The following BNC2 variants were observed in gnomAD, a reference collection of about 807,000 sequenced individuals.
The protein encoded by BNC2 is basonuclin zinc finger protein 2.
A neutral mutation model predicts 76.3 loss-of-function variants in BNC2; 20 were observed. The observed-to-expected ratio is 0.26, with a 90% CI of 0.18 to 0.38. The LOEUF is 0.38. BNC2 is among the 10% of genes least tolerant of loss of function. BNC2 has a pLI of 1.00. For synonymous variants in BNC2, 582 were observed against 514.8 expected, an observed-to-expected ratio of 1.13 and a Z score of -1.77; for missense variants, 1,382 against 1,399.8, an observed-to-expected ratio of 0.99 and a Z score of 0.20.
At position 16,738,419 on chromosome 9, in the gene BNC2, G is replaced by C; in HGVS notation, c.70C>G (p.Gln24Glu). The change falls in exon 2 of 7, where the codon CAA (glutamine) becomes GAA (glutamate). Residue 24 changes from glutamine (Q) to glutamate (E), a missense_variant. Gln to Glu is a conservative substitution (Grantham distance 29, BLOSUM62 2). Transcript: ENST00000380672. ...NYKSEDRLSE[Q>E]DWPAYFKVPC... ...ACCTTGAAATATGCTGGCCAGTCTT[G>C]CTCACTAAGCCTGTCCTCTGATTTG... 3 of 1,613,984 alleles carry C rather than the reference G, an allele frequency of 1.9e-6. No individual in the cohort carries two copies. Among genetic ancestry groups the C allele is most frequent in the Non-Finnish European group, 1.7e-6 (2 of 1,179,900 alleles).
At chr9:16,766,527 A>G (rs1825700391) in intron 1 of BNC2, among the ~76,000 whole-genome samples, 2 of 152,100 alleles carry the variant, frequency 1.3e-5, no homozygotes. Context: ...ATCTAACTAA[A>G]ATCCCTCCAG....
intron 4 of BNC2, chr9:16,580,068 A>G (rs1819588819): frequency 2.5e-6 from 1 of 398,456 alleles, no homozygotes; most frequent in Non-Finnish European, 4.4e-6. Flanking sequence ...CACCCAGGAC[A>G]CTGCACAGTA....
At chr9:16,425,407 T>C (rs1001669768) in intron 6 of BNC2, among the ~76,000 whole-genome samples, 2 of 152,162 alleles carry the variant, frequency 1.3e-5, no homozygotes, top group African/African-American at 4.8e-5. Context: ...TCTCAGAGCC[T>C]GCCATCCCCG....
intron 5 of BNC2, among the ~76,000 whole-genome samples, chr9:16,444,640 C>T (rs1258620983): frequency 6.6e-6 from 1 of 152,130 alleles, no homozygotes; most frequent in Non-Finnish European, 1.5e-5. Flanking sequence ...ACTCCTAGAT[C>T]CCACATGTGG....
chr9:16,581,970 C>G (rs1448674362), intron 4 of BNC2, among the ~76,000 whole-genome samples: 1 of 152,104 alleles, frequency 6.6e-6, no homozygotes, highest in African/African-American at 2.4e-5. Flanking sequence ...ATCACACACG[C>G]CCTCACAAGC....
chr9:16,479,778 CTTTA>C (rs1458844849), intron 5 of BNC2, among the ~76,000 whole-genome samples: 2 of 148,002 alleles, frequency 1.4e-5, no homozygotes, highest in Non-Finnish European at 3.0e-5. Flanking sequence ...TGACTTCTTT[CTTTA>C]TGCACGTTGG....
rs111967800 is a variant in BNC2 at position 16,468,540 on chromosome 9, C to A, written c.670-31016G>T. Among the ~76,000 whole-genome samples the A allele has an allele frequency of 7.4e-4, 113 of 151,982 alleles. 1 individual carries two copies. The highest frequency in any genetic ancestry group is 2.5e-3 in the African/African-American group (103 of 41,430). On this transcript the variant is annotated intron_variant, in intron 5 of 6. Coordinates refer to ENST00000380672, the MANE Select transcript of BNC2 (RefSeq NM_017637.6). The stretch of plus-strand genomic sequence containing the variant: ...CCTCCCGAATAGCTGGGACTACAGG[C>A]GTGCACCACCACGCCTGGCTACTTT...
intron 1 of BNC2, among the ~76,000 whole-genome samples, chr9:16,764,034 G>C (rs908815456): frequency 1.3e-5 from 2 of 152,120 alleles, no homozygotes; most frequent in South Asian, 2.1e-4. Context: ...AGTATGTGAC[G>C]AGAATTAAAA....
intron 5 of BNC2, among the ~76,000 whole-genome samples, chr9:16,449,844 G>A (rs1469474656): frequency 7.2e-6 from 1 of 138,906 alleles, no homozygotes; most frequent in Non-Finnish European, 1.5e-5. Context: ...GGTGGGGCGG[G>A]GGGGGAGGGT....
At chr9:16,670,571 A>T (rs572560189) in intron 3 of BNC2, among the ~76,000 whole-genome samples, 1 of 152,338 alleles carries the variant, frequency 6.6e-6, no homozygotes, top group South Asian at 2.1e-4. Context: ...TTTATGCTTT[A>T]GTGTGGATAA....
chr9:16,838,730 C>A (rs1370832419), intron 1 of BNC2, among the ~76,000 whole-genome samples: 1 of 152,158 alleles, frequency 6.6e-6, no homozygotes, highest in Non-Finnish European at 1.5e-5. Context: ...ATGATCTTCA[C>A]CTGGTAGCTC....
intron 5 of BNC2, among the ~76,000 whole-genome samples, chr9:16,485,052 G>A (rs1415635696): frequency 1.3e-5 from 2 of 151,768 alleles, no homozygotes; most frequent in Admixed American, 6.6e-5. Flanking sequence ...TAACAAAGAA[G>A]AACACATCAT....
chr9:16,761,593 A>G (rs1397812485), intron 1 of BNC2, among the ~76,000 whole-genome samples: 1 of 152,198 alleles, frequency 6.6e-6, no homozygotes, highest in African/African-American at 2.4e-5. Context: ...AAAGCAAACC[A>G]TTCTATTTAA....
chr9:16,529,768 T>G (rs950801302), intron 5 of BNC2, among the ~76,000 whole-genome samples: 14 of 152,202 alleles, frequency 9.2e-5, no homozygotes, highest in African/African-American at 3.1e-4. Flanking sequence ...CAACCTTCTA[T>G]GAATACCTGA....
At chr9:16,808,554 C>G (rs1391928632) in intron 1 of BNC2, among the ~76,000 whole-genome samples, 1 of 132,014 alleles carries the variant, frequency 7.6e-6, no homozygotes, top group Non-Finnish European at 1.6e-5. Context: ...AGTGGTGTGA[C>G]CACGGCTCAC....
chr9:16,756,708 G>A (rs1056100762), intron 1 of BNC2, among the ~76,000 whole-genome samples: 23 of 152,128 alleles, frequency 1.5e-4, no homozygotes, highest in African/African-American at 5.3e-4. Context: ...ACTAGACCTA[G>A]GCTGGGCACA....
chr9:16,790,513 C>T (rs1817475478), intron 1 of BNC2, among the ~76,000 whole-genome samples: 1 of 152,186 alleles, frequency 6.6e-6, no homozygotes, highest in Admixed American at 6.5e-5. Flanking sequence ...GCCTTATTCT[C>T]GTTGCTAATT....
intron 1 of BNC2, among the ~76,000 whole-genome samples, chr9:16,739,422 A>T (rs1446924196): frequency 6.6e-6 from 1 of 152,240 alleles, no homozygotes; most frequent in African/African-American, 2.4e-5. Context: ...TAATCCCAAA[A>T]CTGTGGAAAG....
At chr9:16,492,671 T>C (rs1179301864) in intron 5 of BNC2, among the ~76,000 whole-genome samples, 1 of 151,968 alleles carries the variant, frequency 6.6e-6, no homozygotes, top group Non-Finnish European at 1.5e-5. Context: ...AGGTTATGCA[T>C]CGAATAAATA....
Sources: gnomAD v4.1 joint callset for allele counts (sites outside exome capture counted in the v4.1 genomes callset) on GRCh38, gnomAD v4.1.1 for gene constraint, MANE v1.5 for transcripts, NCBI Gene and HGNC (gene_info 2026-07-23, HGNC 2026-07-21) for gene names.